CCL28: variants seen among roughly 807,000 people sequenced by gnomAD.
CCL28 encodes C-C motif chemokine 28.
In CCL28, 4 loss-of-function variants were observed where a neutral mutation model predicts 7.1. The observed-to-expected ratio is 0.56, with a 90% CI of 0.28 to 1.29. The LOEUF (loss-of-function observed/expected upper bound fraction) is 1.29, where lower values mean the gene tolerates loss of function less well. Ranked by LOEUF, CCL28 falls within the 50% of genes most tolerant of loss-of-function variation. The pLI is 0.11. For missense variants in CCL28, 151 were observed against 163.4 expected (o/e 0.92, Z 0.41); for synonymous variants, 55 against 57.8 (o/e 0.95, Z 0.22).
the CCL28 span, among the ~76,000 whole-genome samples, chr5:43,361,642 A>G: frequency 6.6e-6 from 1 of 152,144 alleles, no homozygotes; most frequent in Non-Finnish European, 1.5e-5. Flanking sequence ...TTAAGTCTTA[A>G]TCCATCTTGA....
downstream of CCL28, among the ~76,000 whole-genome samples, chr5:43,375,256 TG>T (rs956703487): frequency 3.4e-5 from 5 of 148,748 alleles, no homozygotes; most frequent in Non-Finnish European, 5.9e-5. Flanking sequence ...CCCAAAGTGC[TG>T]GGATTACAGG....
In CCL28 at chr5:43,381,659, C is replaced by A. The variant is rs957578603; in HGVS notation, c.*201G>T. On this transcript the variant is annotated 3_prime_UTR_variant, in exon 3 of 3. Transcript: ENST00000361115. ...AAAGGTGTGAACCACCATACCCAGC[C>A]AGTATTATCTTTTCATTTCATTTTC... The A allele has an allele frequency of 6.9e-5, 36 of 520,388 alleles. No individual in the cohort carries two copies. Among genetic ancestry groups the A allele is most frequent in the African/African-American group, 5.7e-4 (29 of 51,320 alleles). 32.2% of individuals were successfully genotyped at this position (520,388 alleles called of 1,614,324 possible).
chr5:43,359,831 C>G, the CCL28 span, among the ~76,000 whole-genome samples: 1 of 152,094 alleles, frequency 6.6e-6, no homozygotes, highest in African/African-American at 2.4e-5. Context: ...TGACACCCCC[C>G]AGGCCTGTGA....
chr5:43,384,744 T>A (rs2111725857), intron 2 of CCL28, among the ~76,000 whole-genome samples: 1 of 152,168 alleles, frequency 6.6e-6, no homozygotes, highest in Non-Finnish European at 1.5e-5. Flanking sequence ...TCCCTTAAAC[T>A]TTATTTCTTT....
At chr5:43,396,288 C>A (rs1740800941) in intron 1 of CCL28, among the ~76,000 whole-genome samples, 1 of 152,120 alleles carries the variant, frequency 6.6e-6, no homozygotes, top group Admixed American at 6.6e-5. Flanking sequence ...ACCCTTGTGG[C>A]CATTTTGGTT....
chr5:43,357,406 T>A, the CCL28 span, among the ~76,000 whole-genome samples: 1 of 152,192 alleles, frequency 6.6e-6, no homozygotes, highest in African/African-American at 2.4e-5. Flanking sequence ...TAGATTCCAA[T>A]TTCAGTGCAG....
At chr5:43,364,771 T>TA in the CCL28 span, among the ~76,000 whole-genome samples, 1 of 152,186 alleles carries the variant, frequency 6.6e-6, no homozygotes, top group Non-Finnish European at 1.5e-5. Context: ...TTAGGATAGT[T>TA]AGCTCTTCTT....
the CCL28 span, among the ~76,000 whole-genome samples, chr5:43,366,055 C>T: frequency 6.6e-6 from 1 of 152,214 alleles, no homozygotes; most frequent in Non-Finnish European, 1.5e-5. Context: ...TTCTCATCAG[C>T]AATTCCTCTA....
At position 43,381,334 on chromosome 5, in the gene CCL28, A is replaced by G. The variant is rs1740104227; in HGVS notation, c.*526T>C. 1 of 152,148 alleles carries G rather than the reference A, an allele frequency of 6.6e-6. No individual in the cohort carries two copies. Among genetic ancestry groups the G allele is most frequent in the Non-Finnish European group, 1.5e-5 (1 of 68,036 alleles). 9.4% of individuals were successfully genotyped at this position (152,148 alleles called of 1,614,324 possible). A position where few individuals can be genotyped will look rare whatever the true frequency, so the allele number is the denominator to read the frequency against. On this transcript the variant is annotated 3_prime_UTR_variant, in exon 3 of 3. Transcript: ENST00000361115. ...TAATTAAAAAGTTGGGAGAAGTTAT[A>G]TCTATATGCTCCTCTTAAAATATTA...
Position 43,381,533 on chromosome 5 carries a change from T to G in CCL28, c.*327A>C, listed in dbSNP as rs575675661. 2.1e-4 allele frequency: 37 copies of G among 178,574 alleles called. No homozygotes were observed. The highest frequency in any genetic ancestry group is 4.5e-3 in the Middle Eastern group (2 of 440). The allele number at this position is 178,574 out of a possible 1,614,324, so 11.1% of individuals were successfully genotyped here. ...TACTACCATGCCGGGCCAATTTTTT[T>G]TTTGTTTGTAGAAATGAGGTCTTGC... On this transcript the variant is annotated 3_prime_UTR_variant, in exon 3 of 3. Transcript: ENST00000361115.
the CCL28 span, among the ~76,000 whole-genome samples, chr5:43,371,345 CCA>C: frequency 2.0e-5 from 3 of 152,144 alleles, no homozygotes; most frequent in Middle Eastern, 3.2e-3. Flanking sequence ...AAAATTGTCC[CCA>C]GTGATCCTCG....
chr5:43,377,716 A>AT (rs1561151287), downstream of CCL28, among the ~76,000 whole-genome samples: 5 of 45,658 alleles, frequency 1.1e-4, no homozygotes, highest in Admixed American at 1.8e-4. Flanking sequence ...TAGAACTTAA[A>AT]CTTTTTTTTT....
chr5:43,375,928 G>T (rs569266436), downstream of CCL28, among the ~76,000 whole-genome samples: 2 of 151,964 alleles, frequency 1.3e-5, no homozygotes, highest in Non-Finnish European at 2.9e-5. Flanking sequence ...CCAACTACTC[G>T]GGAGGCTGAG....
chr5:43,399,919 C>T (rs1740964487), intron 1 of CCL28, among the ~76,000 whole-genome samples: 1 of 151,032 alleles, frequency 6.6e-6, no homozygotes, highest in African/African-American at 2.4e-5. Context: ...GATCACGGCT[C>T]ACCGCAGCCT....
At chr5:43,388,318 A>G (rs1388427622) in intron 2 of CCL28, 32 bp downstream of exon 2, 2 of 1,611,930 alleles carry the variant, frequency 1.2e-6, no homozygotes, top group South Asian at 1.1e-5. Context: ...ATCACTGTGC[A>G]GGTTTAGACC....
intron 1 of CCL28, among the ~76,000 whole-genome samples, chr5:43,394,985 C>T (rs1322093155): frequency 6.6e-6 from 1 of 151,152 alleles, no homozygotes; most frequent in African/African-American, 2.4e-5. Flanking sequence ...CTTTTATACC[C>T]TGTTACCATC....
rs1361759044 is a variant in CCL28 at position 43,379,602 on chromosome 5, T to C, written c.*2258A>G. 1 of 152,176 alleles carries C rather than the reference T, an allele frequency of 6.6e-6. No homozygotes were observed. Among genetic ancestry groups the C allele is most frequent in the Non-Finnish European group, 1.5e-5 (1 of 68,022 alleles). The allele number at this position is 152,176 out of a possible 1,614,324, so 9.4% of individuals were successfully genotyped here. On this transcript the variant is annotated 3_prime_UTR_variant, in exon 3 of 3. Coordinates refer to ENST00000361115, the MANE Select transcript of CCL28 (RefSeq NM_148672.3). ...CCAGTTTTGGTGGCATTTTAACCTA[T>C]GGAGACTCAGTGCCTCTGTGTGTCC...
chr5:43,379,329 G>T lies in CCL28; in HGVS notation c.*2531C>A, dbSNP rs866077355. The T allele has an allele frequency of 6.6e-6, 1 of 151,720 alleles. No homozygotes were observed. Among genetic ancestry groups the T allele is most frequent in the Non-Finnish European group, 1.5e-5 (1 of 67,914 alleles). 9.4% of individuals were successfully genotyped at this position (151,720 alleles called of 1,614,324 possible). A position where few individuals can be genotyped will look rare whatever the true frequency, so the allele number is the denominator to read the frequency against. ...AACTTTTATTAATGTTGGTTATCAC[G>T]GTTAATTAATTTAAAATTGTGGTTT... On this transcript the variant is annotated 3_prime_UTR_variant, in exon 3 of 3. Transcript: ENST00000361115.
At chr5:43,382,151 C>A in intron 2 of CCL28, 99 bp from the exon 3 acceptor site, 1 of 1,005,262 alleles carries the variant, frequency 9.9e-7, no homozygotes, top group East Asian at 2.6e-5. Flanking sequence ...ACACTGTATT[C>A]CTAGAGACTA....
Sources: allele counts gnomAD v4.1 joint callset (sites outside exome capture counted in the v4.1 genomes callset), GRCh38; gene constraint gnomAD v4.1.1; transcripts MANE v1.5; gene names NCBI Gene and HGNC (gene_info 2026-07-23, HGNC 2026-07-21).